SIPA1L3: variants seen among roughly 807,000 people sequenced by gnomAD.
The protein encoded by SIPA1L3 is signal-induced proliferation-associated 1-like protein 3.
A neutral mutation model predicts 150.1 loss-of-function variants in SIPA1L3; 59 were observed. The ratio of observed to expected loss-of-function variants is 0.39; its 90% CI spans 0.32 to 0.49. The LOEUF (loss-of-function observed/expected upper bound fraction) is 0.49, where lower values mean the gene tolerates loss of function less well. Ranked by LOEUF, SIPA1L3 falls within the 20% of genes least tolerant of loss-of-function variation. The probability of loss-of-function intolerance (pLI) is 0.86; values close to 1 mark genes in which losing one functional copy is unlikely to be tolerated. For missense variants in SIPA1L3, 2,211 were observed against 2,489.5 expected (o/e 0.89, Z 2.38); for synonymous variants, 1,070 against 1,077.6 (o/e 0.99, Z 0.14).
chr19:37,996,954 C>T (rs1353553442), intron 1 of SIPA1L3, among the ~76,000 whole-genome samples: 2 of 151,976 alleles, frequency 1.3e-5, no homozygotes, highest in East Asian at 1.9e-4. Context: ...GTCTCAGCCT[C>T]CCAAAGTGCT....
chr19:38,205,542 T>A (rs193276793), intron 21 of SIPA1L3, among the ~76,000 whole-genome samples: 1 of 151,394 alleles, frequency 6.6e-6, no homozygotes, highest in Non-Finnish European at 1.5e-5. Flanking sequence ...TGGCAGAGTA[T>A]ATAATGCGTA....
intron 2 of SIPA1L3, among the ~76,000 whole-genome samples, chr19:38,075,320 G>A (rs1969814410): frequency 6.6e-6 from 1 of 152,168 alleles, no homozygotes; most frequent in Non-Finnish European, 1.5e-5. Context: ...GCTGGGCGTG[G>A]TGGCACATGC....
intron 15 of SIPA1L3, among the ~76,000 whole-genome samples, chr19:38,174,874 C>A (rs544084497): frequency 1.3e-5 from 2 of 151,074 alleles, no homozygotes; most frequent in African/African-American, 2.4e-5. Context: ...GTTGTGAGGG[C>A]GAACTGAGAC....
At chr19:37,942,069 G>T (rs1340176649) in intron 1 of SIPA1L3, among the ~76,000 whole-genome samples, 1 of 152,166 alleles carries the variant, frequency 6.6e-6, no homozygotes. Context: ...GATTTATTGT[G>T]CAGTGATGTG....
At chr19:37,909,340 T>C (rs966816775) in intron 1 of SIPA1L3, among the ~76,000 whole-genome samples, 2 of 151,454 alleles carry the variant, frequency 1.3e-5, no homozygotes, top group East Asian at 1.9e-4. Flanking sequence ...CCTGAGTAGC[T>C]GGGATTACAG....
chr19:38,129,286 G>A (rs1971253990), intron 9 of SIPA1L3, among the ~76,000 whole-genome samples: 2 of 152,174 alleles, frequency 1.3e-5, no homozygotes, highest in Admixed American at 1.3e-4. Context: ...TCCATGTTGG[G>A]GGAAGGTCTG....
At chr19:38,015,542 G>A (rs1968211443) in intron 1 of SIPA1L3, among the ~76,000 whole-genome samples, 1 of 151,798 alleles carries the variant, frequency 6.6e-6, no homozygotes, top group African/African-American at 2.4e-5. Flanking sequence ...TGGGAAACAT[G>A]GCGAAACTCT....
chr19:37,920,978 C>T (rs1417698205), intron 1 of SIPA1L3, among the ~76,000 whole-genome samples: 2 of 152,210 alleles, frequency 1.3e-5, no homozygotes, highest in Non-Finnish European at 2.9e-5. Flanking sequence ...GCCTCAGACC[C>T]TCCCCTCAGG....
chr19:38,181,696 C>T (rs7257668), intron 15 of SIPA1L3, among the ~76,000 whole-genome samples: 8,962 of 151,570 alleles, frequency 0.059, 884 homozygotes, highest in African/African-American at 0.2. Flanking sequence ...ATACAAAAAA[C>T]TTAGCTGGGC....
intron 8 of SIPA1L3, among the ~76,000 whole-genome samples, chr19:38,113,101 C>T (rs1466399931): frequency 6.6e-5 from 10 of 151,972 alleles, no homozygotes; most frequent in South Asian, 4.2e-4. Flanking sequence ...ACAGCTGTTC[C>T]TCTGGAGGTT....
intron 1 of SIPA1L3, among the ~76,000 whole-genome samples, chr19:37,984,163 C>T (rs543754456): frequency 2.6e-5 from 4 of 152,184 alleles, no homozygotes; most frequent in Non-Finnish European, 5.9e-5. Flanking sequence ...CAGGGCGGGG[C>T]AGCGAGGCGG....
At chr19:37,929,105 A>C (rs570109874) in intron 1 of SIPA1L3, among the ~76,000 whole-genome samples, 6 of 152,292 alleles carry the variant, frequency 3.9e-5, no homozygotes, top group Admixed American at 1.3e-4. Context: ...GATTTCCCTC[A>C]TATCTCATTG....
intron 13 of SIPA1L3, among the ~76,000 whole-genome samples, chr19:38,157,221 C>T (rs1274887869): frequency 6.6e-6 from 1 of 152,200 alleles, no homozygotes; most frequent in African/African-American, 2.4e-5. Flanking sequence ...GGCTTCGCAG[C>T]AGATGTGGGG....
At chr19:38,059,404 A>G (rs1183615729) in intron 2 of SIPA1L3, among the ~76,000 whole-genome samples, 1 of 150,986 alleles carries the variant, frequency 6.6e-6, no homozygotes, top group Non-Finnish European at 1.5e-5. Flanking sequence ...CCCAGGTTCA[A>G]GTGATTCTCC....
intron 1 of SIPA1L3, among the ~76,000 whole-genome samples, chr19:38,025,259 C>A (rs143345964): frequency 2.3e-3 from 343 of 152,296 alleles, no homozygotes; most frequent in African/African-American, 8.0e-3. Flanking sequence ...TCTGTTCTTG[C>A]TGTAAACCTG....
chr19:37,922,632 A>G (rs929465114), intron 1 of SIPA1L3, among the ~76,000 whole-genome samples: 1 of 150,704 alleles, frequency 6.6e-6, no homozygotes, highest in African/African-American at 2.4e-5. Flanking sequence ...TGACCTCTTG[A>G]TCAGCCTGCC....
chr19:38,034,981 G>A (rs1968747005), intron 2 of SIPA1L3, among the ~76,000 whole-genome samples: 1 of 152,184 alleles, frequency 6.6e-6, no homozygotes, highest in African/African-American at 2.4e-5. Flanking sequence ...CTGCCCTCAT[G>A]CGGCTCCCCA....
chr19:37,937,077 G>A (rs2046607089), intron 1 of SIPA1L3, among the ~76,000 whole-genome samples: 1 of 152,140 alleles, frequency 6.6e-6, no homozygotes, highest in South Asian at 2.1e-4. Flanking sequence ...TGCCCAGGCT[G>A]GTTTCAGACT....
At chr19:38,111,962 C>T (rs1054911666) in intron 8 of SIPA1L3, among the ~76,000 whole-genome samples, 17 of 141,102 alleles carry the variant, frequency 1.2e-4, no homozygotes, top group East Asian at 4.0e-4. Context: ...CATGCACACA[C>T]GTACATGCAC....
Sources: allele counts gnomAD v4.1 joint callset (sites outside exome capture counted in the v4.1 genomes callset), GRCh38; gene constraint gnomAD v4.1.1; transcripts MANE v1.5; gene names NCBI Gene and HGNC (gene_info 2026-07-23, HGNC 2026-07-21).